The following KLF12 variants were observed in gnomAD, a reference collection of about 807,000 sequenced individuals.
KLF12 encodes KLF transcription factor 12.
Under a neutral mutation model 37.8 loss-of-function variants are expected in KLF12, and 9 were observed. The observed-to-expected ratio is 0.24, with a 90% confidence interval of 0.14 to 0.42. The LOEUF (loss-of-function observed/expected upper bound fraction) is 0.42. Ranked by LOEUF, KLF12 falls within the 10% of genes least tolerant of loss-of-function variation. The pLI is 1.00. For missense variants in KLF12, 411 were observed against 516.0 expected (o/e 0.80, Z 1.97); for synonymous variants, 208 against 202.1 (o/e 1.03, Z -0.25).
chr13:74,166,708 T>C, the KLF12 span, among the ~76,000 whole-genome samples: 1 of 152,208 alleles, frequency 6.6e-6, no homozygotes, highest in Non-Finnish European at 1.5e-5. Context: ...CTTTGTCTAC[T>C]AGACTATGAC....
intron 1 of KLF12, among the ~76,000 whole-genome samples, chr13:74,102,611 C>T (rs1035262117): frequency 6.6e-6 from 1 of 151,876 alleles, no homozygotes; most frequent in Non-Finnish European, 1.5e-5. Context: ...GCAGGAGAAT[C>T]GCTTGCACCT....
At chr13:73,984,306 G>A (rs1566493441) in intron 2 of KLF12, among the ~76,000 whole-genome samples, 1 of 152,126 alleles carries the variant, frequency 6.6e-6, no homozygotes, top group Non-Finnish European at 1.5e-5. Flanking sequence ...TCTCACACTG[G>A]GAAGGTGCAG....
At chr13:73,803,504 T>A (rs1405576485) in intron 5 of KLF12, among the ~76,000 whole-genome samples, 3 of 152,046 alleles carry the variant, frequency 2.0e-5, no homozygotes, top group Non-Finnish European at 4.4e-5. Flanking sequence ...AGTCCCCACA[T>A]CCTTCTTGCT....
intron 6 of KLF12, among the ~76,000 whole-genome samples, chr13:73,725,833 G>GTATT (rs71919762): frequency 0.083 from 11,844 of 142,144 alleles, 603 homozygotes; most frequent in East Asian, 0.11. Context: ...ATTTCAAAAT[G>GTATT]TATTTATTTA....
intron 7 of KLF12, among the ~76,000 whole-genome samples, chr13:73,715,118 A>C (rs186986607): frequency 6.6e-6 from 1 of 152,272 alleles, no homozygotes; most frequent in Non-Finnish European, 1.5e-5. Flanking sequence ...TATAATGATT[A>C]AGTGGTGATG....
chr13:74,102,697 CAA>C (rs112369721), intron 1 of KLF12, among the ~76,000 whole-genome samples: 1 of 140,934 alleles, frequency 7.1e-6, no homozygotes, highest in African/African-American at 2.6e-5. Context: ...AACTCTGTCT[CAA>C]AAAAAAAAAA....
intron 1 of KLF12, among the ~76,000 whole-genome samples, chr13:74,068,649 C>T (rs911090401): frequency 6.6e-6 from 1 of 151,716 alleles, no homozygotes; most frequent in Non-Finnish European, 1.5e-5. Context: ...CTACACCTCC[C>T]AGGTTCAAAC....
intron 3 of KLF12, among the ~76,000 whole-genome samples, chr13:73,916,208 T>TACACACACACAC (rs67011700): frequency 1.8e-5 from 2 of 109,872 alleles, no homozygotes; most frequent in Admixed American, 9.5e-5. Flanking sequence ...AGCTAATACT[T>TACACACACACAC]ACACACACAC....
chr13:74,081,301 C>T (rs1163426508), intron 1 of KLF12, among the ~76,000 whole-genome samples: 4 of 152,108 alleles, frequency 2.6e-5, no homozygotes, highest in East Asian at 3.8e-4. Flanking sequence ...ACATTTAGCA[C>T]AATAAATGGT....
At chr13:74,021,120 A>G (rs932104970) in intron 1 of KLF12, among the ~76,000 whole-genome samples, 4 of 152,200 alleles carry the variant, frequency 2.6e-5, no homozygotes, top group African/African-American at 9.6e-5. Context: ...CATGCCAAGA[A>G]AAAGGAGACG....
intron 5 of KLF12, among the ~76,000 whole-genome samples, chr13:73,786,272 G>A (rs756964801): frequency 6.6e-6 from 1 of 152,110 alleles, no homozygotes; most frequent in Non-Finnish European, 1.5e-5. Flanking sequence ...AATTGTTAAC[G>A]TGGTGGATTC....
chr13:73,727,559 G>A (rs1376598216), intron 6 of KLF12, among the ~76,000 whole-genome samples: 1 of 152,066 alleles, frequency 6.6e-6, no homozygotes, highest in Non-Finnish European at 1.5e-5. Flanking sequence ...ATTTGTCTAT[G>A]TATAATTATC....
At chr13:74,217,319 T>A in the KLF12 span, among the ~76,000 whole-genome samples, 1 of 152,156 alleles carries the variant, frequency 6.6e-6, no homozygotes, top group Non-Finnish European at 1.5e-5. Flanking sequence ...GACTTTTTTT[T>A]TTTTTTATAA....
intron 3 of KLF12, among the ~76,000 whole-genome samples, chr13:73,938,936 G>A (rs1459215559): frequency 1.3e-5 from 2 of 152,178 alleles, no homozygotes; most frequent in Non-Finnish European, 2.9e-5. Context: ...GAGGCATCAG[G>A]CTCGCTTCCC....
intron 3 of KLF12, among the ~76,000 whole-genome samples, chr13:73,874,004 G>A (rs1336675585): frequency 6.6e-6 from 1 of 152,156 alleles, no homozygotes; most frequent in African/African-American, 2.4e-5. Flanking sequence ...AAAAAAGCAA[G>A]TAAGAGAACC....
chr13:73,954,387 C>A (rs1226113896), intron 2 of KLF12, among the ~76,000 whole-genome samples: 1 of 151,960 alleles, frequency 6.6e-6, no homozygotes, highest in Non-Finnish European at 1.5e-5. Context: ...CTCTGAAAAC[C>A]TTGAGCATGG....
the KLF12 span, among the ~76,000 whole-genome samples, chr13:74,235,846 T>A: frequency 2.4e-4 from 36 of 152,234 alleles, no homozygotes; most frequent in African/African-American, 8.7e-4. Flanking sequence ...TAATGGAGGA[T>A]CAGCAGTGGA....
intron 6 of KLF12, among the ~76,000 whole-genome samples, chr13:73,749,343 A>G (rs1878585051): frequency 6.6e-6 from 1 of 152,176 alleles, no homozygotes; most frequent in South Asian, 2.1e-4. Context: ...CTCATTCTAA[A>G]TCCTATTTCC....
intron 2 of KLF12, among the ~76,000 whole-genome samples, chr13:73,994,154 C>G (rs1222208967): frequency 1.3e-5 from 2 of 152,104 alleles, no homozygotes; most frequent in East Asian, 3.9e-4. Context: ...TTGTAAGTAG[C>G]TGTGAAGGTA....
Sources: allele counts gnomAD v4.1 joint callset (sites outside exome capture counted in the v4.1 genomes callset), GRCh38; gene constraint gnomAD v4.1.1; transcripts MANE v1.5; gene names NCBI Gene and HGNC (gene_info 2026-07-23, HGNC 2026-07-21).